The following GALNT11 variants were observed in gnomAD, a reference collection of about 807,000 sequenced individuals.
GALNT11 encodes polypeptide N-acetylgalactosaminyltransferase 11, also known as UDP-GalNAc:polypeptide N-acetylgalactosaminyltransferase 11.
In GALNT11, 47 loss-of-function variants were observed where a neutral mutation model predicts 72.7. The ratio of observed to expected loss-of-function variants is 0.65; its 90% CI spans 0.51 to 0.82. The LOEUF is 0.82. Ranked by LOEUF, GALNT11 falls within the 40% of genes least tolerant of loss-of-function variation. The pLI, the probability that GALNT11 is intolerant of heterozygous loss-of-function variation, is 0.00. For missense variants in GALNT11, 677 were observed against 778.4 expected (o/e 0.87, Z 1.55); for synonymous variants, 270 against 286.6 (o/e 0.94, Z 0.58).
At chr7:152,101,437 G>A (rs1023704669) in intron 3 of GALNT11, among the ~76,000 whole-genome samples, 5 of 152,088 alleles carry the variant, frequency 3.3e-5, no homozygotes, top group Admixed American at 2.6e-4. Context: ...CTAGAGTCTA[G>A]CAGGGGAGGC....
At chr7:152,089,504 C>T (rs2085870804) in intron 1 of GALNT11, among the ~76,000 whole-genome samples, 1 of 152,210 alleles carries the variant, frequency 6.6e-6, no homozygotes, top group Non-Finnish European at 1.5e-5. Flanking sequence ...GTCCTGTCTC[C>T]ATTGGCTGGA....
intron 1 of GALNT11, among the ~76,000 whole-genome samples, chr7:152,084,353 G>A (rs1485348672): frequency 6.9e-6 from 1 of 145,756 alleles, no homozygotes; most frequent in Admixed American, 6.8e-5. Context: ...AGTCTAGCCC[G>A]GGCAACAGAG....
chr7:152,078,373 G>C (rs2085109782), intron 1 of GALNT11, among the ~76,000 whole-genome samples: 2 of 152,094 alleles, frequency 1.3e-5, no homozygotes, highest in South Asian at 4.1e-4. Context: ...AGCAAATTTT[G>C]TATTTTTAAT....
At chr7:152,036,962 G>A (rs562385900) in intron 1 of GALNT11, among the ~76,000 whole-genome samples, 1 of 152,240 alleles carries the variant, frequency 6.6e-6, no homozygotes, top group Admixed American at 6.5e-5. Flanking sequence ...CATTGTTTGA[G>A]TTTCTTATGT....
Position 152,113,395 on chromosome 7 carries a change from C to T in GALNT11, c.1230C>T (p.Tyr410=), listed in dbSNP as rs2088452769. 1 of 1,612,964 alleles carries T rather than the reference C, an allele frequency of 6.2e-7. No individual in the cohort carries two copies. Among genetic ancestry groups the T allele is most frequent in the Admixed American group, 1.7e-5 (1 of 59,820 alleles). The stretch of plus-strand genomic sequence containing the variant: ...TGGCACATGTCTGGTTGGATGAATA[C>T]AAGGTGAGATGAAATTTCTTGTTTA... ...LRLAHVWLDE[Y]KEQYFSLRPD... The change falls in exon 8 of 12, where the codon TAC becomes TAT. Residue 410 remains tyrosine, a synonymous_variant. Transcript: ENST00000430044.
chr7:152,068,407 A>G (rs897025557), intron 1 of GALNT11, among the ~76,000 whole-genome samples: 3 of 152,100 alleles, frequency 2.0e-5, no homozygotes, highest in African/African-American at 7.2e-5. Context: ...CTGTTCATTC[A>G]TCTTTTGAGG....
chr7:152,038,512 A>G (rs1195077335), intron 1 of GALNT11, among the ~76,000 whole-genome samples: 1 of 152,198 alleles, frequency 6.6e-6, no homozygotes, highest in African/African-American at 2.4e-5. Context: ...ACCTTCCAGC[A>G]TTGCGTCAAG....
In GALNT11 at chr7:152,108,017, CCT is replaced by C; in HGVS notation, c.713-18_713-17del. On this transcript the variant is annotated intron_variant, in intron 5 of 11. Transcript: ENST00000430044. ...TTGAGTGTTGTGACACTCTCCTGAG[CCT>C]CTGTTGTTTCCTCCCCAGGAGAAGT... 6.3e-7 allele frequency: 1 copy of C among 1,595,938 alleles called. No individual in the cohort carries two copies. The highest frequency in any genetic ancestry group is 1.1e-5 in the South Asian group (1 of 89,660).
rs528243146 is a variant in GALNT11, at chr7:152,046,209, G to C, written c.-39+20325G>C. Among the ~76,000 whole-genome samples the C allele has an allele frequency of 1.2e-4, 19 of 152,152 alleles. No homozygotes were observed. In the South Asian group the frequency reaches 1.7e-3, roughly 13 times the overall value. ...TAAAAACTTGCTTTTAGACCTCAAG[G>C]ATAGACCTAACATATGGTCTATCCT... On this transcript the variant is annotated intron_variant, in intron 1 of 11. Coordinates refer to ENST00000430044, the MANE Select transcript of GALNT11 (RefSeq NM_022087.4).
chr7:152,079,819 G>T (rs545314208), intron 1 of GALNT11, among the ~76,000 whole-genome samples: 2 of 152,234 alleles, frequency 1.3e-5, no homozygotes, highest in South Asian at 4.1e-4. Context: ...ATTAATATTT[G>T]TACTCACATG....
At chr7:152,034,990 T>C (rs185907164) in intron 1 of GALNT11, among the ~76,000 whole-genome samples, 411 of 152,224 alleles carry the variant, frequency 2.7e-3, no homozygotes, top group African/African-American at 9.3e-3. Flanking sequence ...ACCCCTCCTG[T>C]AAAGATGTTA....
At chr7:152,038,470 G>T (rs1425983386) in intron 1 of GALNT11, among the ~76,000 whole-genome samples, 1 of 152,208 alleles carries the variant, frequency 6.6e-6, no homozygotes, top group East Asian at 1.9e-4. Context: ...GGTGGGTCAG[G>T]TGTTCCTTGC....
At chr7:152,064,715 C>T (rs955134672) in intron 1 of GALNT11, among the ~76,000 whole-genome samples, 4 of 152,150 alleles carry the variant, frequency 2.6e-5, no homozygotes, top group Non-Finnish European at 5.9e-5. Flanking sequence ...ACTTATGAAG[C>T]TTAGTTTGGC....
intron 1 of GALNT11, among the ~76,000 whole-genome samples, chr7:152,054,532 G>C (rs2083561366): frequency 7.2e-6 from 1 of 139,798 alleles, no homozygotes; most frequent in Non-Finnish European, 1.5e-5. Context: ...TTTTGAGGCA[G>C]GGTCTCATGC....
intron 1 of GALNT11, among the ~76,000 whole-genome samples, chr7:152,047,009 A>G (rs2083159522): frequency 6.6e-6 from 1 of 152,214 alleles, no homozygotes; most frequent in Non-Finnish European, 1.5e-5. Context: ...ATAGTATCTT[A>G]TAACAATTTT....
At chr7:152,075,878 A>G (rs1359246443) in intron 1 of GALNT11, among the ~76,000 whole-genome samples, 1 of 151,290 alleles carries the variant, frequency 6.6e-6, no homozygotes, top group Admixed American at 6.6e-5. Context: ...TGGCTAACAC[A>G]CTGAAACCCC....
chr7:152,073,432 T>A (rs536333121), intron 1 of GALNT11, among the ~76,000 whole-genome samples: 3 of 152,368 alleles, frequency 2.0e-5, no homozygotes, highest in African/African-American at 7.2e-5. Flanking sequence ...CTTATTTCAC[T>A]TAATATCCTC....
chr7:152,082,535 G>T (rs2085380458), intron 1 of GALNT11, among the ~76,000 whole-genome samples: 1 of 152,238 alleles, frequency 6.6e-6, no homozygotes, highest in Non-Finnish European at 1.5e-5. Flanking sequence ...AGAGGAACGG[G>T]CTATGACCTA....
intron 2 of GALNT11, among the ~76,000 whole-genome samples, chr7:152,097,098 G>C (rs1322730842): frequency 6.6e-6 from 1 of 152,210 alleles, no homozygotes; most frequent in East Asian, 1.9e-4. Flanking sequence ...AAGGTGCTGA[G>C]ACTATAGGCA....
Sources: allele counts gnomAD v4.1 joint callset (sites outside exome capture counted in the v4.1 genomes callset), GRCh38; gene constraint gnomAD v4.1.1; transcripts MANE v1.5; gene names NCBI Gene and HGNC (gene_info 2026-07-23, HGNC 2026-07-21).